Variants in SPINK5 observed in about 807,000 individuals in gnomAD.
The protein encoded by SPINK5 is serine peptidase inhibitor Kazal type 5, also known as serine protease inhibitor Kazal-type 5.
Under a neutral mutation model 151.8 loss-of-function variants are expected in SPINK5, and 125 were observed. The observed-to-expected ratio is 0.82, with a 90% CI of 0.71 to 0.96. The LOEUF is 0.96. Ranked by LOEUF, SPINK5 falls within the 40% of genes least tolerant of loss-of-function variation. The pLI is 0.00. For synonymous variants in SPINK5, 374 were observed against 395.3 expected (o/e 0.95, Z 0.64); for missense variants, 1,194 against 1,291.9 (o/e 0.92, Z 1.16).
At chr5:148,098,176 G>A (rs149173264) in intron 11 of SPINK5, among the ~76,000 whole-genome samples, 182 bp downstream of exon 11, 209 of 152,090 alleles carry the variant, frequency 1.4e-3, no homozygotes, top group African/African-American at 3.6e-3. Context: ...GTTTTAAGAC[G>A]CCTTGTTCCT....
chr5:148,093,738 T>C (rs555363844), intron 8 of SPINK5, among the ~76,000 whole-genome samples: 14 of 151,836 alleles, frequency 9.2e-5, no homozygotes, highest in African/African-American at 2.9e-4. Flanking sequence ...CTGACCCCTA[T>C]TGATCTGAAA....
At chr5:148,081,491 T>C (rs1447865826) in intron 4 of SPINK5, among the ~76,000 whole-genome samples, 3 of 151,726 alleles carry the variant, frequency 2.0e-5, no homozygotes, top group Non-Finnish European at 4.4e-5. Flanking sequence ...AAAAACACTA[T>C]GCAAAGTGAA....
chr5:148,124,809 C>T lies in SPINK5; in HGVS notation c.2711C>T (p.Ser904Leu). The change falls in exon 28 of 33, where the codon TCA becomes TTA. Residue 904 changes from serine (S) to leucine (L), a missense_variant. Physicochemically the swap from Ser to Leu is moderately radical, Grantham distance 145. Transcript: ENST00000256084. ...AGAAAAAAGAAAGATGAAGAGAAAT[C>T]AAGTAGCAAGCCCTCAAATAATGCA... Reference protein sequence around the residue: ...NERKKKDEEKSSSKPSNNAKD... With the variant: ...NERKKKDEEKLSSKPSNNAKD... The T allele has an allele frequency of 6.2e-7, 1 of 1,606,910 alleles. No homozygotes were observed. Among genetic ancestry groups the T allele is most frequent in the Non-Finnish European group, 8.5e-7 (1 of 1,176,536 alleles).
rs1269887698 is a variant in SPINK5, at chr5:148,123,511, CAATATATGTG to C, written c.2539-321_2539-312del. 0.093 allele frequency among the ~76,000 whole-genome samples: 4,968 copies of C among 53,144 alleles called. 213 individuals are homozygous for C. Among genetic ancestry groups the C allele is most frequent in the African/African-American group, 0.16 (1,808 of 11,262 alleles). The allele number at this position is 53,144 out of a possible 152,430, so 34.9% of individuals were successfully genotyped here. A position where few individuals can be genotyped will look rare whatever the true frequency, so the allele number is the denominator to read the frequency against. Reference sequence around the variant, plus strand: ...TTGTCCAGCCTGGAGTGCAGTGGTGCAATATATGTGTATATATATATATATATATATATAT... The same window carrying C: ...TTGTCCAGCCTGGAGTGCAGTGGTGCTATATATATATATATATATATATAT... On this transcript the variant is annotated intron_variant, in intron 26 of 32. Coordinates refer to ENST00000256084, the MANE Select transcript of SPINK5 (RefSeq NM_006846.4).
intron 2 of SPINK5, among the ~76,000 whole-genome samples, chr5:148,069,600 G>T (rs1752683523): frequency 6.6e-6 from 1 of 152,212 alleles, no homozygotes; most frequent in Admixed American, 6.5e-5. Flanking sequence ...CATTTGTGGG[G>T]ATGGTGGTGG....
At chr5:148,092,547 G>A (rs372887084) in intron 8 of SPINK5, among the ~76,000 whole-genome samples, 3 of 151,870 alleles carry the variant, frequency 2.0e-5, no homozygotes, top group Admixed American at 1.3e-4. Flanking sequence ...TGGGGTCACC[G>A]GGCATGATGG....
chr5:148,128,653 C>G (rs953579666), intron 30 of SPINK5, among the ~76,000 whole-genome samples: 5 of 152,086 alleles, frequency 3.3e-5, no homozygotes, highest in Non-Finnish European at 7.4e-5. Context: ...CTCAGCCTCC[C>G]GAGTAGCTGG....
chr5:148,099,434 G>A (rs902792121), intron 12 of SPINK5, 119 bp downstream of exon 12: 13 of 807,920 alleles, frequency 1.6e-5, no homozygotes, highest in Non-Finnish European at 2.7e-5. Flanking sequence ...TCTTCAATCT[G>A]GGGATGGTAT....
intron 26 of SPINK5, among the ~76,000 whole-genome samples, chr5:148,122,266 C>T (rs1242082530): frequency 6.6e-6 from 1 of 152,046 alleles, no homozygotes; most frequent in Non-Finnish European, 1.5e-5. Flanking sequence ...TTGTGAGCAC[C>T]TGGAAAAGAA....
intron 18 of SPINK5, among the ~76,000 whole-genome samples, chr5:148,111,229 T>C (rs941298060): frequency 1.3e-5 from 2 of 151,996 alleles, no homozygotes; most frequent in Non-Finnish European, 2.9e-5. Context: ...TCTCTCTGAC[T>C]GTTCTTCTGT....
At chr5:148,114,321 C>T in intron 20 of SPINK5, 41 bp from the exon 21 acceptor site, 1 of 1,596,524 alleles carries the variant, frequency 6.3e-7, no homozygotes, top group Non-Finnish European at 8.5e-7. Context: ...AACTAATTTC[C>T]CAGAAGATAC....
chr5:148,133,983 G>C, intron 32 of SPINK5, 96 bp downstream of exon 32: 1 of 1,312,224 alleles, frequency 7.6e-7, no homozygotes, highest in Non-Finnish European at 1.1e-6. Context: ...CATTTATCTG[G>C]CCAGAGAGGT....
intron 31 of SPINK5, 104 bp from the exon 32 acceptor site, chr5:148,133,693 C>T (rs180891184): frequency 1.9e-6 from 2 of 1,026,002 alleles, no homozygotes. Flanking sequence ...CCTCTAAATA[C>T]AGTTTGGTTT....
chr5:148,134,181 T>C (rs1754643830), intron 32 of SPINK5: 2 of 420,098 alleles, frequency 4.8e-6, no homozygotes, highest in African/African-American at 4.1e-5. Context: ...TTGTTTTCTG[T>C]GATCTATAAT....
At chr5:148,101,934 G>A (rs367744268) in intron 15 of SPINK5, 26 bp downstream of exon 15, 70 of 1,612,996 alleles carry the variant, frequency 4.3e-5, no homozygotes, top group East Asian at 2.9e-4. Flanking sequence ...GCCCCATAGC[G>A]TCTGAGGATT....
At chr5:148,135,187 G>T (rs955238514) in intron 32 of SPINK5, among the ~76,000 whole-genome samples, 13 of 152,058 alleles carry the variant, frequency 8.5e-5, no homozygotes, top group Non-Finnish European at 4.4e-5. Context: ...TCCCTATATT[G>T]TGTTTGCTGT....
chr5:148,096,724 T>TTTTTTC (rs1170636282), intron 10 of SPINK5, among the ~76,000 whole-genome samples: 2 of 149,508 alleles, frequency 1.3e-5, no homozygotes, highest in Non-Finnish European at 3.0e-5. Flanking sequence ...CTTTCTTTCT[T>TTTTTTC]TTTTTCTTTT....
At chr5:148,078,360 C>T (rs536941793) in intron 4 of SPINK5, among the ~76,000 whole-genome samples, 26 of 151,072 alleles carry the variant, frequency 1.7e-4, no homozygotes, top group Non-Finnish European at 2.5e-4. Flanking sequence ...AATTTCAATA[C>T]TCCACTTAAA....
chr5:148,074,905 G>GT (rs1240755242), intron 4 of SPINK5, among the ~76,000 whole-genome samples: 4 of 151,406 alleles, frequency 2.6e-5, no homozygotes, highest in South Asian at 2.1e-4. Flanking sequence ...AATATATTTT[G>GT]TTTTTTATTG....
Sources: allele counts gnomAD v4.1 joint callset (sites outside exome capture counted in the v4.1 genomes callset), GRCh38; gene constraint gnomAD v4.1.1; transcripts MANE v1.5; gene names NCBI Gene and HGNC (gene_info 2026-07-23, HGNC 2026-07-21).